The following ANKRD26 variants were observed in gnomAD, a reference collection of about 807,000 sequenced individuals.
ANKRD26 encodes the protein ankyrin repeat domain 26, also known as ankyrin repeat domain-containing protein 26.
In ANKRD26, 141 loss-of-function variants were observed where a neutral mutation model predicts 208.7. The ratio of observed to expected loss-of-function variants is 0.68; its 90% CI spans 0.59 to 0.78. The LOEUF is 0.78. ANKRD26 is among the 30% of genes least tolerant of loss of function. ANKRD26 has a pLI of 0.00. For missense variants in ANKRD26, 1,889 were observed against 1,938.7 expected (o/e 0.97, Z 0.48); for synonymous variants, 636 against 660.4 (o/e 0.96, Z 0.57).
At chr10:26,958,161 C>A in the ANKRD26 span, among the ~76,000 whole-genome samples, 1 of 151,876 alleles carries the variant, frequency 6.6e-6, no homozygotes, top group Non-Finnish European at 1.5e-5. Context: ...CAGCTCACTG[C>A]AAACTCTGCC....
Position 27,053,355 on chromosome 10 carries a change from G to C in ANKRD26, c.1600C>G (p.Gln534Glu), listed in dbSNP as rs756100121. 5.8e-5 allele frequency: 94 copies of C among 1,610,210 alleles called. No individual in the cohort carries two copies. The highest frequency in any genetic ancestry group is 7.9e-5 in the Non-Finnish European group (93 of 1,178,736). ...HDLEVASEEE[Q>E]EREGSENNQP... is the part of the protein sequence containing the mutation. ...TTATTTTCACTCCCTTCCCTTTCTT[G>C]CTCTTCTTCTGATGCTACTTCTAAG... The change falls in exon 16 of 34, where the codon CAA becomes GAA. Residue 534 changes from glutamine (Q) to glutamate (E), a missense_variant. Physicochemically the swap from Gln to Glu is conservative, Grantham distance 29. Around this residue, in one of 3 missense-constraint regions of ANKRD26, gnomAD observed 1,272 missense variants for 1,273.8 expected, o/e 1.00. Transcript: ENST00000376087.
rs1207968884 is a variant in ANKRD26, at chr10:27,017,564, T to C, written c.4444A>G (p.Ile1482Val). The C allele has an allele frequency of 6.2e-7, 1 of 1,613,740 alleles. No individual in the cohort carries two copies. The highest frequency in any genetic ancestry group is 8.5e-7 in the Non-Finnish European group (1 of 1,179,836). ...ATTTCCTGTCTTGCTCTTTCTTCAA[T>C]CTCCTGTTTATACTGTTTGACTTGA... Reference protein sequence around the residue: ...LGQVKQYKQEIEERARQEIAE... With the variant: ...LGQVKQYKQEVEERARQEIAE... The change falls in exon 30 of 34, where the codon ATT becomes GTT. Residue 1482 changes from isoleucine to valine, a missense_variant. Around this residue, in one of 3 missense-constraint regions of ANKRD26, gnomAD observed 613 missense variants for 648.2 expected, o/e 0.95. Coordinates refer to ENST00000376087, the MANE Select transcript of ANKRD26 (RefSeq NM_014915.3).
At chr10:27,013,164 T>C in intron 31 of ANKRD26, 54 bp from the exon 32 acceptor site, 1 of 1,508,992 alleles carries the variant, frequency 6.6e-7, no homozygotes, top group Non-Finnish European at 9.1e-7. Flanking sequence ...CCTAAATGAT[T>C]CCTAAAAGAC....
At chr10:27,092,034 T>A (rs111320667) in intron 4 of ANKRD26, among the ~76,000 whole-genome samples, 1 of 150,792 alleles carries the variant, frequency 6.6e-6, no homozygotes, top group Non-Finnish European at 1.5e-5. Flanking sequence ...TTTATAAAAC[T>A]AATAAAACTG....
At chr10:27,011,060 G>C (rs1194190747) in intron 32 of ANKRD26, among the ~76,000 whole-genome samples, 1 of 152,110 alleles carries the variant, frequency 6.6e-6, no homozygotes, top group Non-Finnish European at 1.5e-5. Context: ...TGATTTGTTA[G>C]GACATGAGGC....
downstream of ANKRD26, among the ~76,000 whole-genome samples, chr10:26,970,699 C>CA (rs1404457882): frequency 1.3e-5 from 2 of 152,162 alleles, no homozygotes; most frequent in Non-Finnish European, 2.9e-5. Context: ...GTCTTACCAA[C>CA]AATACTGGGT....
intron 23 of ANKRD26, among the ~76,000 whole-genome samples, chr10:27,036,345 G>T (rs1434429933): frequency 6.7e-6 from 1 of 149,470 alleles, no homozygotes; most frequent in Non-Finnish European, 1.5e-5. Context: ...AAAAGGAAAA[G>T]TTAAAAAAAA....
intron 11 of ANKRD26, among the ~76,000 whole-genome samples, chr10:27,066,070 C>T (rs1035790413): frequency 2.0e-5 from 3 of 151,734 alleles, no homozygotes; most frequent in Non-Finnish European, 4.4e-5. Context: ...ACCATGTTGG[C>T]CAGGATGGTC....
chr10:26,948,616 C>A, the ANKRD26 span, among the ~76,000 whole-genome samples: 1 of 152,060 alleles, frequency 6.6e-6, no homozygotes, highest in African/African-American at 2.4e-5. Context: ...CATTTTTGTT[C>A]TATTCAGTAG....
chr10:27,040,683 G>A (rs2054204424), intron 20 of ANKRD26, among the ~76,000 whole-genome samples: 1 of 152,160 alleles, frequency 6.6e-6, no homozygotes, highest in African/African-American at 2.4e-5. Flanking sequence ...GAAACAACGA[G>A]TTTCAAGAGA....
At chr10:27,044,712 A>G (rs1393259811) in intron 18 of ANKRD26, among the ~76,000 whole-genome samples, 1 of 152,196 alleles carries the variant, frequency 6.6e-6, no homozygotes, top group Non-Finnish European at 1.5e-5. Flanking sequence ...TATTAAACTC[A>G]TTTTAATCCT....
At chr10:26,978,320 G>A (rs1158257818) in intron 5 of ANKRD26, among the ~76,000 whole-genome samples, 1 of 151,986 alleles carries the variant, frequency 6.6e-6, no homozygotes, top group Non-Finnish European at 1.5e-5. Flanking sequence ...GTCAGGCATG[G>A]TGGCACGTGC....
intron 17 of ANKRD26, among the ~76,000 whole-genome samples, chr10:27,048,423 T>C (rs1267759311): frequency 6.6e-6 from 1 of 152,216 alleles, no homozygotes; most frequent in Non-Finnish European, 1.5e-5. Context: ...TGCATTTTTA[T>C]GTAAGTCATA....
chr10:27,045,315 T>C (rs2054401821), intron 18 of ANKRD26, among the ~76,000 whole-genome samples: 1 of 151,974 alleles, frequency 6.6e-6, no homozygotes, highest in South Asian at 2.1e-4. Context: ...TTCTAGCTAC[T>C]TGGGAGGCTG....
chr10:26,950,435 C>T, the ANKRD26 span, among the ~76,000 whole-genome samples: 1 of 135,240 alleles, frequency 7.4e-6, no homozygotes, highest in African/African-American at 2.7e-5. Flanking sequence ...TGAAAACGTA[C>T]TAATATACTC....
At chr10:27,035,877 G>GAA (rs200016821) in intron 23 of ANKRD26, 125 bp from the exon 24 acceptor site, 1,060 of 541,726 alleles carry the variant, frequency 2.0e-3, no homozygotes, top group East Asian at 0.011. Context: ...ATATCCAATT[G>GAA]AAAAAAAAAA....
At chr10:26,953,084 A>G in the ANKRD26 span, among the ~76,000 whole-genome samples, 1 of 152,226 alleles carries the variant, frequency 6.6e-6, no homozygotes, top group Admixed American at 6.5e-5. Flanking sequence ...ACTGTTTAAA[A>G]CATAATATCT....
At chr10:26,965,989 C>T in the ANKRD26 span, among the ~76,000 whole-genome samples, 1 of 152,134 alleles carries the variant, frequency 6.6e-6, no homozygotes, top group Non-Finnish European at 1.5e-5. Flanking sequence ...ACAATAGATG[C>T]TGGTGAGGCT....
At chr10:27,063,959 G>T in intron 12 of ANKRD26, 29 bp downstream of exon 12, 1 of 1,531,924 alleles carries the variant, frequency 6.5e-7, no homozygotes, top group Non-Finnish European at 9.0e-7. Context: ...CTGTCCAATG[G>T]CTTTTTAAAA....
Sources: allele counts gnomAD v4.1 joint callset (sites outside exome capture counted in the v4.1 genomes callset), GRCh38; gene constraint gnomAD v4.1.1; regional missense constraint gnomAD v4.1.1; transcripts MANE v1.5; gene names NCBI Gene and HGNC (gene_info 2026-07-23, HGNC 2026-07-21).